Variants in TMEM51 observed in about 807,000 individuals in gnomAD.
TMEM51 encodes the protein transmembrane protein 51.
TMEM51 carries 8 observed loss-of-function variants against 13.6 expected under a neutral mutation model. The observed-to-expected ratio is 0.59, with a 90% confidence interval of 0.35 to 1.07. The LOEUF is 1.07. TMEM51 is among the 50% of genes least tolerant of loss of function. The pLI is 0.02. For missense variants in TMEM51, 279 were observed against 330.7 expected (o/e 0.84, Z 1.21); for synonymous variants, 147 against 144.4 (o/e 1.02, Z -0.13).
At chr1:15,169,512 C>G (rs960183036) in intron 1 of TMEM51, among the ~76,000 whole-genome samples, 1 of 152,144 alleles carries the variant, frequency 6.6e-6, no homozygotes, top group Non-Finnish European at 1.5e-5. Flanking sequence ...GTGCTTGGGT[C>G]TTTTCATTAG....
chr1:15,171,932 C>G (rs1643290976), intron 1 of TMEM51, among the ~76,000 whole-genome samples: 1 of 152,206 alleles, frequency 6.6e-6, no homozygotes, highest in Non-Finnish European at 1.5e-5. Context: ...AGATCATCAG[C>G]TGAGAACTTA....
At chr1:15,206,437 C>T (rs1644251914) in intron 1 of TMEM51, among the ~76,000 whole-genome samples, 1 of 152,152 alleles carries the variant, frequency 6.6e-6, no homozygotes, top group Non-Finnish European at 1.5e-5. Context: ...AACCTCGGTG[C>T]CTTGCCCAGA....
chr1:15,191,610 C>A (rs1490529281), intron 1 of TMEM51, among the ~76,000 whole-genome samples: 2 of 152,214 alleles, frequency 1.3e-5, no homozygotes, highest in Non-Finnish European at 2.9e-5. Context: ...CCCAAAGCCT[C>A]ACTTTAATAA....
intron 1 of TMEM51, among the ~76,000 whole-genome samples, chr1:15,193,781 T>A (rs1643989192): frequency 6.6e-6 from 1 of 152,176 alleles, no homozygotes. Context: ...GGTCTCGAAC[T>A]CCTGACCTCA....
chr1:15,159,365 C>T (rs1011061749), intron 1 of TMEM51, among the ~76,000 whole-genome samples: 2 of 152,172 alleles, frequency 1.3e-5, no homozygotes, highest in South Asian at 2.1e-4. Flanking sequence ...TCAAAACACA[C>T]GTTCACGGTG....
chr1:15,188,056 A>C (rs970209894), intron 1 of TMEM51, among the ~76,000 whole-genome samples: 1 of 152,184 alleles, frequency 6.6e-6, no homozygotes, highest in Non-Finnish European at 1.5e-5. Context: ...CATTTAAAAA[A>C]ATTTATTAGA....
At chr1:15,167,842 A>G (rs1643080884) in intron 1 of TMEM51, among the ~76,000 whole-genome samples, 1 of 152,190 alleles carries the variant, frequency 6.6e-6, no homozygotes, top group South Asian at 2.1e-4. Context: ...TCCCTTTCCC[A>G]TATCACAGGC....
At chr1:15,156,587 T>C (rs1158738574) in intron 1 of TMEM51, among the ~76,000 whole-genome samples, 2 of 152,268 alleles carry the variant, frequency 1.3e-5, no homozygotes, top group Non-Finnish European at 2.9e-5. Context: ...GCTCTGAAGC[T>C]GGGAGGAATC....
At chr1:15,197,955 A>T (rs916274610) in intron 1 of TMEM51, among the ~76,000 whole-genome samples, 2 of 45,862 alleles carry the variant, frequency 4.4e-5, no homozygotes, top group East Asian at 4.7e-4. Context: ...TATACATGAC[A>T]AAAAAAAAAA....
Position 15,168,400 on chromosome 1 carries a change from A to T in TMEM51, c.-267+14446A>T. The T allele has an allele frequency of 2.5e-6, 3 of 1,219,512 alleles. No homozygotes were observed. In the South Asian group the frequency reaches 4.5e-5, roughly 18 times the overall value. The allele number at this position is 1,219,512 out of a possible 1,614,324, so 75.5% of individuals were successfully genotyped here. A position where few individuals can be genotyped will look rare whatever the true frequency, so the allele number is the denominator to read the frequency against. On this transcript the variant is annotated intron_variant, in intron 1 of 3. Transcript: ENST00000376008. The stretch of plus-strand genomic sequence containing the variant: ...GAAGGAAGGAAGGACTGTAGAGGCA[A>T]TCTTTTACAGACAAATGGTAGATAA...
chr1:15,168,713 C>G (rs1229751961), intron 1 of TMEM51: 1 of 1,304,410 alleles, frequency 7.7e-7, no homozygotes. Context: ...CCAGGGTGAG[C>G]CAGTGACTGG....
chr1:15,164,669 C>A (rs190824178), intron 1 of TMEM51, among the ~76,000 whole-genome samples: 1 of 151,708 alleles, frequency 6.6e-6, no homozygotes, highest in Non-Finnish European at 1.5e-5. Flanking sequence ...ATTATTGAAA[C>A]GATTTTTAGA....
In TMEM51 at chr1:15,207,567, G is replaced by A. The variant is rs1335909040; in HGVS notation, c.-266-2923G>A. ...CCACTCAGGTCTCAGCCACTCTGAT[G>A]TCTGGAGCTGGGTCTACCTCCCTGG... On this transcript the variant is annotated intron_variant, in intron 1 of 3. Transcript: ENST00000376008. This position sits in a 1 kb window ranked among gnomAD's most constrained non-coding sequence, Gnocchi z 4.6. Among the ~76,000 whole-genome samples, 1 of 152,208 alleles carries A rather than the reference G, an allele frequency of 6.6e-6. No individual in the cohort carries two copies. Among genetic ancestry groups the A allele is most frequent in the African/African-American group, 2.4e-5 (1 of 41,456 alleles).
At chr1:15,173,001 T>C (rs982615909) in intron 1 of TMEM51, among the ~76,000 whole-genome samples, 3 of 152,142 alleles carry the variant, frequency 2.0e-5, no homozygotes, top group East Asian at 1.9e-4. Flanking sequence ...CCCGAGGATA[T>C]GTACTCAGCT....
At chr1:15,187,330 C>T (rs933708240) in intron 1 of TMEM51, among the ~76,000 whole-genome samples, 1 of 152,208 alleles carries the variant, frequency 6.6e-6, no homozygotes. Flanking sequence ...CACTTCTGCT[C>T]GCTTTTCCCT....
At chr1:15,170,267 C>A (rs1427564370) in intron 1 of TMEM51, among the ~76,000 whole-genome samples, 1 of 152,014 alleles carries the variant, frequency 6.6e-6, no homozygotes, top group African/African-American at 2.4e-5. Flanking sequence ...CATGAGCAAG[C>A]CAACTTCCTC....
intron 1 of TMEM51, among the ~76,000 whole-genome samples, chr1:15,194,782 G>A (rs1413204183): frequency 6.6e-6 from 1 of 151,798 alleles, no homozygotes; most frequent in Non-Finnish European, 1.5e-5. Context: ...ATTGCGTTCT[G>A]TCTCATTCTG....
intron 1 of TMEM51, among the ~76,000 whole-genome samples, chr1:15,184,766 A>T (rs1426325384): frequency 1.3e-5 from 2 of 152,110 alleles, no homozygotes; most frequent in African/African-American, 2.4e-5. Flanking sequence ...TTAATTTTTT[A>T]AAACTCAATA....
rs1185691139 is a variant in TMEM51, at chr1:15,154,676, GC to G, written c.-267+723del. 2.6e-5 allele frequency among the ~76,000 whole-genome samples: 4 copies of G among 152,170 alleles called. No homozygotes were observed. In the East Asian group the frequency reaches 7.7e-4, roughly 29 times the overall value. Reference sequence around the variant, plus strand: ...GCACAAACGGGAGGCGCTTGGCCCGGCGCGCCTGGTCTGCATTACAGGATAA... The same window carrying G: ...GCACAAACGGGAGGCGCTTGGCCCGGGCGCCTGGTCTGCATTACAGGATAA... On this transcript the variant is annotated intron_variant, in intron 1 of 3. Coordinates refer to ENST00000376008, the MANE Select transcript of TMEM51 (RefSeq NM_001136218.2).
Sources: allele counts gnomAD v4.1 joint callset (sites outside exome capture counted in the v4.1 genomes callset), GRCh38; gene constraint gnomAD v4.1.1; non-coding constraint Gnocchi (gnomAD v3.1); transcripts MANE v1.5; gene names NCBI Gene and HGNC (gene_info 2026-07-23, HGNC 2026-07-21).